Variants in HSD17B12 observed in about 807,000 individuals in gnomAD.
HSD17B12 encodes very-long-chain 3-oxoacyl-CoA reductase.
A neutral mutation model predicts 39.3 loss-of-function variants in HSD17B12; 32 were observed. The observed-to-expected ratio is 0.81, with a 90% CI of 0.61 to 1.09. HSD17B12 has a LOEUF of 1.09. Ranked by LOEUF, HSD17B12 falls within the 50% of genes least tolerant of loss-of-function variation. HSD17B12 has a pLI of 0.00. For missense variants in HSD17B12, 342 were observed against 382.9 expected, an observed-to-expected ratio of 0.89 and a Z score of 0.89; for synonymous variants, 150 against 146.7, an observed-to-expected ratio of 1.02 and a Z score of -0.16.
At chr11:43,770,282 A>C (rs1326553624) in intron 3 of HSD17B12, among the ~76,000 whole-genome samples, 2 of 152,214 alleles carry the variant, frequency 1.3e-5, no homozygotes, top group Non-Finnish European at 2.9e-5. Context: ...CCCTGGGCCC[A>C]GCATTCTTGC....
chr11:43,769,632 T>G (rs1168961983), intron 3 of HSD17B12, among the ~76,000 whole-genome samples: 1 of 152,238 alleles, frequency 6.6e-6, no homozygotes, highest in Non-Finnish European at 1.5e-5. Context: ...GACATTGTTT[T>G]TCAATTATGA....
chr11:43,771,765 C>T (rs1433572309), intron 3 of HSD17B12, among the ~76,000 whole-genome samples: 2 of 152,040 alleles, frequency 1.3e-5, no homozygotes, highest in African/African-American at 4.8e-5. Context: ...CTGCGCCTGG[C>T]CTCACATTCT....
the HSD17B12 span, among the ~76,000 whole-genome samples, chr11:43,634,220 C>A: frequency 6.7e-6 from 1 of 149,934 alleles, no homozygotes; most frequent in Non-Finnish European, 1.5e-5. Flanking sequence ...CACCTGTTTT[C>A]TCTTTTCTTT....
chr11:43,794,796 C>T (rs1171310311), intron 3 of HSD17B12, among the ~76,000 whole-genome samples: 1 of 152,182 alleles, frequency 6.6e-6, no homozygotes, highest in Non-Finnish European at 1.5e-5. Context: ...ATTGCAACCT[C>T]CAAATCCAAT....
chr11:43,681,018 C>G lies in HSD17B12; in HGVS notation c.160+31C>G, dbSNP rs1186297463. 5 of 1,551,550 alleles carry G rather than the reference C, an allele frequency of 3.2e-6. No homozygotes were observed. In the South Asian group the frequency reaches 6.0e-5, roughly 19 times the overall value. ...TCGGATGCAGCGCCGCGTCCTCGCTCCCGCGGCGGCCCGGACCAGGCCTGG... is the reference window on the plus strand; with the variant it reads ...TCGGATGCAGCGCCGCGTCCTCGCTGCCGCGGCGGCCCGGACCAGGCCTGG... On this transcript the variant is annotated intron_variant, in intron 1 of 10. Coordinates refer to ENST00000278353, the MANE Select transcript of HSD17B12 (RefSeq NM_016142.3).
At chr11:43,580,652 A>C in the HSD17B12 span, among the ~76,000 whole-genome samples, 1 of 151,594 alleles carries the variant, frequency 6.6e-6, no homozygotes, top group South Asian at 2.1e-4. Flanking sequence ...CGCTCTCTTA[A>C]ACCTCTCTTT....
chr11:43,760,626 T>G (rs534935625), intron 3 of HSD17B12, among the ~76,000 whole-genome samples: 18 of 152,324 alleles, frequency 1.2e-4, no homozygotes, highest in Non-Finnish European at 2.2e-4. Context: ...TACTTGGAAT[T>G]AAATTTCTAT....
chr11:43,690,404 A>ATATTTTT (rs1554959942), intron 1 of HSD17B12, among the ~76,000 whole-genome samples: 2 of 24,962 alleles, frequency 8.0e-5, no homozygotes, highest in Non-Finnish European at 1.4e-4. Flanking sequence ...ATATATATAT[A>ATATTTTT]TTTTTTTTTT....
intron 1 of HSD17B12, among the ~76,000 whole-genome samples, chr11:43,734,893 C>T (rs1336316351): frequency 1.3e-5 from 2 of 152,172 alleles, no homozygotes; most frequent in South Asian, 2.1e-4. Flanking sequence ...TCTACCACCC[C>T]AAAAGGAAAC....
intron 1 of HSD17B12, among the ~76,000 whole-genome samples, chr11:43,727,102 C>T (rs749242131): frequency 1.3e-5 from 2 of 152,198 alleles, no homozygotes; most frequent in Non-Finnish European, 2.9e-5. Context: ...ATGCCATGCT[C>T]ATTTTCAGTG....
intron 3 of HSD17B12, among the ~76,000 whole-genome samples, chr11:43,790,470 A>G (rs1950857318): frequency 6.6e-6 from 1 of 152,180 alleles, no homozygotes; most frequent in African/African-American, 2.4e-5. Context: ...TCTGCAGGGG[A>G]TATGCCACAA....
At chr11:43,582,292 A>C in the HSD17B12 span, among the ~76,000 whole-genome samples, 3 of 152,206 alleles carry the variant, frequency 2.0e-5, no homozygotes, top group Non-Finnish European at 2.9e-5. Flanking sequence ...CAGCAGCAGC[A>C]GCCCCATCCC....
intron 4 of HSD17B12, among the ~76,000 whole-genome samples, chr11:43,807,009 A>ACGCTGTTAT (rs1565096400): frequency 6.6e-6 from 1 of 151,330 alleles, no homozygotes; most frequent in East Asian, 2.0e-4. Flanking sequence ...AATAAGAAAG[A>ACGCTGTTAT]CACTGTTATC....
At chr11:43,647,850 G>A in the HSD17B12 span, among the ~76,000 whole-genome samples, 1 of 152,090 alleles carries the variant, frequency 6.6e-6, no homozygotes, top group Non-Finnish European at 1.5e-5. Context: ...AAACTTCTAT[G>A]CTTATTAATG....
intron 1 of HSD17B12, among the ~76,000 whole-genome samples, chr11:43,688,324 G>A (rs1300061238): frequency 2.0e-5 from 3 of 152,124 alleles, no homozygotes; most frequent in Non-Finnish European, 4.4e-5. Context: ...TTTCTGTCTG[G>A]GGGAAAAGTC....
At chr11:43,785,476 C>T (rs1025698114) in intron 3 of HSD17B12, among the ~76,000 whole-genome samples, 1 of 152,108 alleles carries the variant, frequency 6.6e-6, no homozygotes, top group Non-Finnish European at 1.5e-5. Context: ...AGTCAGCTTC[C>T]AGGATGTGAC....
At chr11:43,854,377 G>A (rs1951561588) in intron 9 of HSD17B12, 1 of 194,914 alleles carries the variant, frequency 5.1e-6, no homozygotes, top group African/African-American at 2.3e-5. Context: ...TCAATGTTGA[G>A]TTTACTAAGT....
At chr11:43,754,016 G>A (rs1231762407) in intron 2 of HSD17B12, 30 bp from the exon 3 acceptor site, 2 of 1,472,222 alleles carry the variant, frequency 1.4e-6, no homozygotes, top group Admixed American at 1.7e-5. Flanking sequence ...ACATGCACAG[G>A]TGTGATTCAA....
chr11:43,659,604 G>A, the HSD17B12 span, among the ~76,000 whole-genome samples: 1,563 of 152,178 alleles, frequency 0.01, 12 homozygotes, highest in Middle Eastern at 0.024. Flanking sequence ...GAAAAAAATT[G>A]ATAAATTAGA....
Sources: allele counts gnomAD v4.1 joint callset (sites outside exome capture counted in the v4.1 genomes callset), GRCh38; gene constraint gnomAD v4.1.1; transcripts MANE v1.5; gene names NCBI Gene and HGNC (gene_info 2026-07-23, HGNC 2026-07-21).